Variants in FER1L5 observed in about 807,000 individuals in gnomAD.
FER1L5 encodes the protein fer-1-like protein 5.
In FER1L5, 187 loss-of-function variants were observed where a neutral mutation model predicts 279.9. That is an observed-to-expected ratio of 0.67 (90% CI 0.59 to 0.75). The LOEUF (loss-of-function observed/expected upper bound fraction) is 0.75, where lower values mean the gene tolerates loss of function less well. Ranked by LOEUF, FER1L5 falls within the 30% of genes least tolerant of loss-of-function variation. The probability of loss-of-function intolerance (pLI) is 0.00; values close to 1 mark genes in which losing one functional copy is unlikely to be tolerated. For synonymous variants in FER1L5, 921 were observed against 989.7 expected (o/e 0.93, Z 1.30); for missense variants, 2,091 against 2,594.4 (o/e 0.81, Z 4.21).
At chr2:96,646,886 G>A (rs993890169) in intron 2 of FER1L5, among the ~76,000 whole-genome samples, 178 bp from the exon 3 acceptor site, 4 of 152,146 alleles carry the variant, frequency 2.6e-5, no homozygotes, top group African/African-American at 7.2e-5. Context: ...CGAGTGGGAT[G>A]CCCACACCTT....
intron 9 of FER1L5, among the ~76,000 whole-genome samples, chr2:96,655,507 C>G (rs546280500): frequency 5.3e-5 from 8 of 152,222 alleles, no homozygotes; most frequent in African/African-American, 1.9e-4. Flanking sequence ...TGGGCATCTT[C>G]TGTTTTTGTT....
chr2:96,692,983 C>G (rs773592794), intron 31 of FER1L5, among the ~76,000 whole-genome samples: 22 of 152,084 alleles, frequency 1.4e-4, no homozygotes, highest in Admixed American at 7.2e-4. Flanking sequence ...CGAGACCAGC[C>G]TGGCCAACAT....
intron 15 of FER1L5, 36 bp from the exon 16 acceptor site, chr2:96,668,850 C>T (rs1558870308): frequency 3.9e-6 from 6 of 1,551,488 alleles, no homozygotes; most frequent in Admixed American, 2.0e-5. Flanking sequence ...GAGAGCTGGG[C>T]CGGGGGCTCA....
intron 14 of FER1L5, 129 bp from the exon 15 acceptor site, chr2:96,668,622 A>C: frequency 9.6e-7 from 1 of 1,040,066 alleles, no homozygotes; most frequent in Non-Finnish European, 1.4e-6. Flanking sequence ...TTCTATGATG[A>C]AGTGGCTCAC....
rs2077069551 is a variant in FER1L5 at position 96,689,767 on chromosome 2, G to A, written c.2640+9G>A. 6.5e-7 allele frequency: 1 copy of A among 1,539,860 alleles called. No individual in the cohort carries two copies. The highest frequency in any genetic ancestry group is 1.4e-5 in the African/African-American group (1 of 72,474). On this transcript the variant is annotated intron_variant, in intron 26 of 52. Coordinates refer to ENST00000624922, the MANE Select transcript of FER1L5 (RefSeq NM_001293083.2). This position sits in a 1 kb window ranked among gnomAD's most constrained non-coding sequence, Gnocchi z 4.6. Reference sequence around the variant, plus strand: ...TCCCAAACACAGACGTGGTGAGCAGGGCCGAAGCTGCCTCGGGTTAGGGGG... The same window carrying A: ...TCCCAAACACAGACGTGGTGAGCAGAGCCGAAGCTGCCTCGGGTTAGGGGG...
intron 23 of FER1L5, 192 bp from the exon 24 acceptor site, chr2:96,687,624 G>T: frequency 1.2e-6 from 1 of 807,104 alleles, no homozygotes; most frequent in Non-Finnish European, 1.9e-6. Flanking sequence ...GGCTCCCAGG[G>T]TGGAGCCACC....
intron 14 of FER1L5, among the ~76,000 whole-genome samples, chr2:96,667,765 A>C (rs758696751): frequency 1.1e-4 from 16 of 152,246 alleles, no homozygotes; most frequent in Non-Finnish European, 2.1e-4. Context: ...ATGTGCATTC[A>C]GACTGCGAGG....
chr2:96,696,777 T>C (rs1245793845), intron 37 of FER1L5, among the ~76,000 whole-genome samples: 2 of 152,114 alleles, frequency 1.3e-5, no homozygotes, highest in Non-Finnish European at 2.9e-5. Flanking sequence ...TGCTGGTGCA[T>C]ACCTGTAATT....
At chr2:96,687,187 A>ACCTGGCC (rs2076963445) in intron 23 of FER1L5, among the ~76,000 whole-genome samples, 1 of 151,916 alleles carries the variant, frequency 6.6e-6, no homozygotes, top group South Asian at 2.1e-4. Flanking sequence ...CCGCCTTGCC[A>ACCTGGCC]CCTGGCCCCT....
rs1159576167 is a variant in FER1L5, at chr2:96,669,023, C to T, written c.1268-20C>T. 1.9e-6 allele frequency: 3 copies of T among 1,551,582 alleles called. No individual in the cohort carries two copies. The African/African-American group carries it at 4.1e-5, about 21-fold the overall frequency. On this transcript the variant is annotated intron_variant, in intron 16 of 52. Transcript: ENST00000624922. ...ACCCCTCGTCCTGCGCCCGACCCTT[C>T]TCACTCTCTCTCCTTCCAGGAGTGT...
At chr2:96,658,104 C>A (rs781571768) in intron 9 of FER1L5, among the ~76,000 whole-genome samples, 2 of 151,918 alleles carry the variant, frequency 1.3e-5, no homozygotes, top group South Asian at 4.2e-4. Flanking sequence ...GCAACCTCCC[C>A]CTCCTGGGTT....
intron 19 of FER1L5, among the ~76,000 whole-genome samples, chr2:96,680,066 G>GGCT (rs1362140088): frequency 6.6e-6 from 1 of 152,070 alleles, no homozygotes; most frequent in East Asian, 1.9e-4. Flanking sequence ...TCCCGCAGGT[G>GGCT]GCTGCTGCTG....
rs1558852459 is a variant in FER1L5, at chr2:96,659,291, T to TCCTTCCTTCCTTCCC, written c.748-1050_748-1049insCCTTCCTTCCTTCCC. Among the ~76,000 whole-genome samples the TCCTTCCTTCCTTCCC allele has an allele frequency of 1.8e-4, 5 of 27,668 alleles. 1 individual carries two copies. The highest frequency in any genetic ancestry group is 4.0e-4 in the African/African-American group (5 of 12,610). The allele number at this position is 27,668 out of a possible 152,430, so 18.2% of individuals were successfully genotyped here. Reference sequence around the variant, plus strand: ...TTGATGAAGTCCAATTTATCAAGCTTTCCTTCCTTCCTTCCTTCCTTCCTT... The same window carrying TCCTTCCTTCCTTCCC: ...TTGATGAAGTCCAATTTATCAAGCTTCCTTCCTTCCTTCCCTCCTTCCTTCCTTCCTTCCTTCCTT... On this transcript the variant is annotated intron_variant, in intron 9 of 52. Coordinates refer to ENST00000624922, the MANE Select transcript of FER1L5 (RefSeq NM_001293083.2).
intron 8 of FER1L5, 104 bp downstream of exon 8, chr2:96,653,806 A>G: frequency 7.5e-6 from 6 of 800,274 alleles, no homozygotes; most frequent in Non-Finnish European, 1.2e-5. Flanking sequence ...GGGGCACTTC[A>G]GATTGTCTTC....
At chr2:96,644,477 G>A (rs1164266857) in intron 1 of FER1L5, among the ~76,000 whole-genome samples, 4 of 151,898 alleles carry the variant, frequency 2.6e-5, no homozygotes, top group African/African-American at 9.7e-5. Flanking sequence ...GCAAGAGTCT[G>A]TCAGAAAGAA....
intron 24 of FER1L5, 153 bp downstream of exon 24, chr2:96,688,100 T>A (rs1248868390): frequency 1.4e-5 from 15 of 1,067,238 alleles, no homozygotes; most frequent in African/African-American, 3.2e-5. Context: ...GAAGAAAAAA[T>A]TCCTGACCGA....
intron 13 of FER1L5, among the ~76,000 whole-genome samples, chr2:96,662,999 C>T (rs923707839): frequency 6.6e-6 from 1 of 152,128 alleles, no homozygotes; most frequent in African/African-American, 2.4e-5. Context: ...TTAATAAGGC[C>T]AAGTAACACT....
chr2:96,690,879 G>C (rs2077115066), intron 27 of FER1L5, among the ~76,000 whole-genome samples: 1 of 152,358 alleles, frequency 6.6e-6, no homozygotes, highest in South Asian at 2.1e-4. Context: ...CAGCTCCAGG[G>C]CAGGAATGAT....
In FER1L5 at chr2:96,699,676, A is replaced by G. The variant is rs371259876; in HGVS notation, c.4737A>G (p.Leu1579=). The change falls in exon 43 of 53, where the codon CTA becomes CTG. Residue 1579 remains leucine (L), a synonymous_variant. Coordinates refer to ENST00000624922, the MANE Select transcript of FER1L5 (RefSeq NM_001293083.2). The part of the protein sequence containing the change: ...TTVIDLENRL[L]SGFGAHCGLS... ...TCATCGACCTTGAAAACCGACTCCT[A>G]TCTGGCTTTGGAGCTCATTGTGGGC... is the stretch of plus-strand genomic sequence containing the variant. The G allele has an allele frequency of 9.5e-5, 154 of 1,613,872 alleles. No homozygotes were observed. Among genetic ancestry groups the G allele is most frequent in the Non-Finnish European group, 1.2e-4 (142 of 1,179,876 alleles).
Sources: gnomAD v4.1 joint callset for allele counts (sites outside exome capture counted in the v4.1 genomes callset) on GRCh38, gnomAD v4.1.1 for gene constraint, Gnocchi (gnomAD v3.1) non-coding constraint, MANE v1.5 for transcripts, NCBI Gene and HGNC (gene_info 2026-07-23, HGNC 2026-07-21) for gene names.